Variants in NBEA observed in about 807,000 individuals in gnomAD.
NBEA encodes lysosomal-trafficking regulator 2.
A neutral mutation model predicts 343.4 loss-of-function variants in NBEA; 44 were observed. The observed-to-expected ratio is 0.13, with a 90% CI of 0.10 to 0.16. NBEA has a LOEUF of 0.16. NBEA is among the 10% of genes least tolerant of loss of function. The probability of loss-of-function intolerance (pLI) is 1.00; values close to 1 mark genes in which losing one functional copy is unlikely to be tolerated. For synonymous variants in NBEA, 1,175 were observed against 1,238.7 expected (o/e 0.95, Z 1.08); for missense variants, 2,555 against 3,631.3 (o/e 0.70, Z 7.62).
intron 34 of NBEA, among the ~76,000 whole-genome samples, chr13:35,255,331 C>A (rs1338829341): frequency 1.3e-5 from 2 of 152,216 alleles, no homozygotes; most frequent in African/African-American, 2.4e-5. Context: ...TGGCTAGTGG[C>A]ACTTTTCCCT....
chr13:35,559,679 G>C (rs2079760409), intron 44 of NBEA, among the ~76,000 whole-genome samples: 1 of 152,128 alleles, frequency 6.6e-6, no homozygotes, highest in South Asian at 2.1e-4. Flanking sequence ...ACTTTGGGAG[G>C]CCGAGGCAGG....
chr13:35,506,029 C>G (rs543707965), intron 41 of NBEA, among the ~76,000 whole-genome samples: 1 of 152,142 alleles, frequency 6.6e-6, no homozygotes, highest in African/African-American at 2.4e-5. Flanking sequence ...ATCAGATTCT[C>G]TTATATATTT....
At chr13:35,000,180 A>G (rs2061078976) in intron 1 of NBEA, among the ~76,000 whole-genome samples, 2 of 152,300 alleles carry the variant, frequency 1.3e-5, no homozygotes, top group South Asian at 4.1e-4. Flanking sequence ...TTCATAGATC[A>G]TTGCTGAAAG....
intron 33 of NBEA, among the ~76,000 whole-genome samples, chr13:35,228,719 C>G (rs2074806052): frequency 1.3e-5 from 2 of 152,006 alleles, no homozygotes; most frequent in African/African-American, 4.8e-5. Flanking sequence ...AGAGTTTACA[C>G]TTACTATTAA....
intron 17 of NBEA, among the ~76,000 whole-genome samples, chr13:35,124,781 GATATATACACACATATATGGAT>G (rs1490197921): frequency 1.4e-5 from 2 of 147,224 alleles, no homozygotes; most frequent in South Asian, 2.1e-4. Context: ...CACATATATG[GATATATACACACATATATGGAT>G]ATATATACAC....
intron 36 of NBEA, among the ~76,000 whole-genome samples, chr13:35,338,586 G>A (rs1468190266): frequency 1.3e-5 from 2 of 151,952 alleles, no homozygotes; most frequent in South Asian, 2.1e-4. Context: ...AAACATAGAC[G>A]AGGATGAAAC....
rs1168311725 is a variant in NBEA at position 35,555,111 on chromosome 13, T to C, written c.6922+9T>C. Reference sequence around the variant, plus strand: ...CCTTAATACTATTGCAGGTAAGATGTCTCATTCTTTAATCTAATAATATGT... The same window carrying C: ...CCTTAATACTATTGCAGGTAAGATGCCTCATTCTTTAATCTAATAATATGT... On this transcript the variant is annotated intron_variant, in intron 44 of 58. Coordinates refer to ENST00000379939, the MANE Select transcript of NBEA (RefSeq NM_001385012.1). 1 of 1,412,708 alleles carries C rather than the reference T, an allele frequency of 7.1e-7. No individual in the cohort carries two copies. Among genetic ancestry groups the C allele is most frequent in the East Asian group, 2.3e-5 (1 of 43,434 alleles). 87.5% of individuals were successfully genotyped at this position (1,412,708 alleles called of 1,614,324 possible). A position where few individuals can be genotyped will look rare whatever the true frequency, so the allele number is the denominator to read the frequency against.
intron 1 of NBEA, among the ~76,000 whole-genome samples, chr13:35,023,082 A>G (rs1208176819): frequency 1.3e-5 from 2 of 152,158 alleles, no homozygotes; most frequent in Admixed American, 6.6e-5. Context: ...AGTCAGGAAG[A>G]CAGAATAAAG....
intron 34 of NBEA, among the ~76,000 whole-genome samples, chr13:35,258,849 T>TTCAA (rs1208243321): frequency 6.6e-6 from 1 of 152,198 alleles, no homozygotes; most frequent in Non-Finnish European, 1.5e-5. Context: ...CAGTACAGCA[T>TTCAA]TCAATAAATT....
chr13:35,570,035 T>C (rs192117900), intron 45 of NBEA, among the ~76,000 whole-genome samples: 108 of 151,360 alleles, frequency 7.1e-4, no homozygotes, highest in African/African-American at 1.7e-3. Context: ...TGTTTGTTTG[T>C]TTGCTTGCTT....
chr13:35,663,972 G>T (rs939552446), intron 55 of NBEA, among the ~76,000 whole-genome samples: 2 of 152,214 alleles, frequency 1.3e-5, no homozygotes, highest in Admixed American at 6.5e-5. Context: ...CAGAAGATAG[G>T]CAGGTCTTAA....
At chr13:35,175,208 A>G (rs1185103144) in intron 27 of NBEA, among the ~76,000 whole-genome samples, 1 of 152,130 alleles carries the variant, frequency 6.6e-6, no homozygotes, top group Non-Finnish European at 1.5e-5. Flanking sequence ...CCTGAGAGAA[A>G]TCTCTTAAAT....
At chr13:35,369,115 C>T (rs2041286627) in intron 38 of NBEA, among the ~76,000 whole-genome samples, 1 of 128,534 alleles carries the variant, frequency 7.8e-6, no homozygotes, top group African/African-American at 3.6e-5. Context: ...GATAGGAGTC[C>T]GGTTTCATGC....
At chr13:35,348,757 G>A (rs543841540) in intron 36 of NBEA, among the ~76,000 whole-genome samples, 1 of 151,928 alleles carries the variant, frequency 6.6e-6, no homozygotes, top group Non-Finnish European at 1.5e-5. Context: ...CTAAAGTGTG[G>A]TCATTGAACT....
intron 10 of NBEA, among the ~76,000 whole-genome samples, chr13:35,079,131 T>C (rs925612953): frequency 2.0e-5 from 3 of 152,188 alleles, no homozygotes; most frequent in African/African-American, 7.2e-5. Flanking sequence ...ACCATAAGGC[T>C]GACATTGAGA....
intron 39 of NBEA, among the ~76,000 whole-genome samples, chr13:35,449,567 CTT>C (rs574516095): frequency 3.9e-4 from 60 of 152,272 alleles, no homozygotes; most frequent in Non-Finnish European, 8.4e-4. Context: ...GGGTTTCCCT[CTT>C]TTGTTCTCAA....
rs1197233845 is a variant in NBEA, at chr13:35,306,174, T to A, written c.5839-3354T>A. Among the ~76,000 whole-genome samples, 9 of 152,124 alleles carry A rather than the reference T, an allele frequency of 5.9e-5. 1 individual carries two copies. The highest frequency in any genetic ancestry group is 2.0e-4 in the Admixed American group (3 of 15,264). On this transcript the variant is annotated intron_variant, in intron 35 of 58. Coordinates refer to ENST00000379939, the MANE Select transcript of NBEA (RefSeq NM_001385012.1). Reference sequence around the variant, plus strand: ...AGATTCCTGATTCTTTATATAAACTTTTATTTTTTCCTGCAAGCCTCTTCC... The same window carrying A: ...AGATTCCTGATTCTTTATATAAACTATTATTTTTTCCTGCAAGCCTCTTCC...
chr13:35,310,718 G>T (rs1323818261), intron 36 of NBEA, among the ~76,000 whole-genome samples: 1 of 152,010 alleles, frequency 6.6e-6, no homozygotes, highest in African/African-American at 2.4e-5. Context: ...ATGATATAGT[G>T]CATTCTTTGG....
intron 2 of NBEA, among the ~76,000 whole-genome samples, chr13:35,044,376 A>T (rs1460755751): frequency 6.6e-6 from 1 of 152,118 alleles, no homozygotes; most frequent in African/African-American, 2.4e-5. Flanking sequence ...AGGATTTGTG[A>T]GGTTAGTATC....
Sources: allele counts gnomAD v4.1 joint callset (sites outside exome capture counted in the v4.1 genomes callset), GRCh38; gene constraint gnomAD v4.1.1; transcripts MANE v1.5; gene names NCBI Gene and HGNC (gene_info 2026-07-23, HGNC 2026-07-21).